The following SVIL variants were observed in gnomAD, a reference collection of about 807,000 sequenced individuals.
SVIL encodes supervillin.
SVIL carries 101 observed loss-of-function variants against 240.4 expected under a neutral mutation model. The ratio of observed to expected loss-of-function variants is 0.42; its 90% CI spans 0.36 to 0.50. The LOEUF (loss-of-function observed/expected upper bound fraction) is 0.50. Ranked by LOEUF, SVIL falls within the 20% of genes least tolerant of loss-of-function variation. SVIL has a pLI of 0.01. For synonymous variants in SVIL, 999 were observed against 1,100.0 expected (o/e 0.91, Z 1.82); for missense variants, 2,512 against 2,818.7 (o/e 0.89, Z 2.46).
chr10:29,697,084 C>G (rs1383578956), intron 1 of SVIL, among the ~76,000 whole-genome samples: 4 of 129,866 alleles, frequency 3.1e-5, no homozygotes, highest in South Asian at 2.6e-4. Context: ...CCCGGCCACC[C>G]CTACTGGGAA....
rs112459712 is a variant in SVIL, at chr10:29,648,815, G to GAAA, written c.-201+9151_-201+9153dup. On this transcript the variant is annotated intron_variant, in intron 3 of 35. Coordinates refer to the SVIL transcript ENST00000375400. ...TAAACCTAGGACACAGGACAGCTGG[G>GAAA]AAAAAAAAAAAAAGATTCTAAAAGC... is the stretch of plus-strand genomic sequence containing the variant. Among the ~76,000 whole-genome samples the GAAA allele has an allele frequency of 4.6e-3, 661 of 143,512 alleles. 6 individuals are homozygous for GAAA. Among genetic ancestry groups the GAAA allele is most frequent in the African/African-American group, 0.015 (601 of 39,268 alleles). The allele number at this position is 143,512 out of a possible 152,430, so 94.1% of individuals were successfully genotyped here.
At chr10:29,630,743 G>C (rs1026001863) in intron 1 of SVIL, among the ~76,000 whole-genome samples, 1 of 151,644 alleles carries the variant, frequency 6.6e-6, no homozygotes, top group Non-Finnish European at 1.5e-5. Flanking sequence ...CATTGTCATA[G>C]ATGAAGGAAA....
chr10:29,627,536 G>A (rs1957922225), intron 1 of SVIL, among the ~76,000 whole-genome samples: 1 of 151,944 alleles, frequency 6.6e-6, no homozygotes, highest in Admixed American at 6.6e-5. Flanking sequence ...CTTTTGGGGA[G>A]GTAGGTGAAT....
chr10:29,568,731 T>C (rs545036306), intron 2 of SVIL, among the ~76,000 whole-genome samples: 1 of 151,902 alleles, frequency 6.6e-6, no homozygotes, highest in African/African-American at 2.4e-5. Context: ...TCAGAAAGGT[T>C]AAGAGAGAGA....
chr10:29,690,234 G>A (rs1961398238), intron 1 of SVIL, among the ~76,000 whole-genome samples: 1 of 152,130 alleles, frequency 6.6e-6, no homozygotes, highest in Admixed American at 6.5e-5. Context: ...CATTCTAAGA[G>A]CTAGCCATAG....
At chr10:29,712,606 T>A (rs1452574026) in intron 1 of SVIL, among the ~76,000 whole-genome samples, 3 of 152,188 alleles carry the variant, frequency 2.0e-5, no homozygotes, top group Non-Finnish European at 4.4e-5. Flanking sequence ...CCTCAGGTAT[T>A]CCTTTATAGC....
At chr10:29,519,019 C>T (rs901754077) in intron 16 of SVIL, among the ~76,000 whole-genome samples, 3 of 152,128 alleles carry the variant, frequency 2.0e-5, no homozygotes, top group African/African-American at 7.2e-5. Flanking sequence ...ACCTGCCCTC[C>T]TTAGTGGGGA....
At chr10:29,679,127 C>T (rs535342057) in intron 2 of SVIL, among the ~76,000 whole-genome samples, 2 of 152,298 alleles carry the variant, frequency 1.3e-5, no homozygotes, top group Admixed American at 1.3e-4. Context: ...ATCACTTGAA[C>T]CTGAAAGGCA....
At chr10:29,624,071 C>G (rs1458046464) in intron 1 of SVIL, among the ~76,000 whole-genome samples, 1 of 151,866 alleles carries the variant, frequency 6.6e-6, no homozygotes, top group Non-Finnish European at 1.5e-5. Flanking sequence ...TGTGACTTTT[C>G]CTCACATGCA....
intron 17 of SVIL, among the ~76,000 whole-genome samples, chr10:29,507,338 A>G (rs867553926): frequency 2.0e-4 from 31 of 152,176 alleles, no homozygotes; most frequent in African/African-American, 6.5e-4. Flanking sequence ...CGAAGCTCAG[A>G]GGCTGAAAGG....
intron 1 of SVIL, among the ~76,000 whole-genome samples, chr10:29,625,877 C>A (rs375637875): frequency 6.6e-6 from 1 of 152,178 alleles, no homozygotes; most frequent in Non-Finnish European, 1.5e-5. Flanking sequence ...TTACAAGTGT[C>A]TCCTTTGGTT....
chr10:29,640,235 C>G (rs929395715), intron 3 of SVIL, among the ~76,000 whole-genome samples: 2 of 152,210 alleles, frequency 1.3e-5, no homozygotes, highest in Admixed American at 6.5e-5. Context: ...ACAACACACT[C>G]TCCTGAGGCT....
chr10:29,727,600 T>C (rs1170464658), intron 1 of SVIL, among the ~76,000 whole-genome samples: 1 of 152,044 alleles, frequency 6.6e-6, no homozygotes, highest in Non-Finnish European at 1.5e-5. Context: ...CTGGGATAAG[T>C]AACACTGCTA....
Position 29,629,021 on chromosome 10 carries a change from G to A in SVIL, c.-201+5399C>T, listed in dbSNP as rs141809839. ...TGCGGGGACATCAAAGTAACCAGGA[G>A]GTCTTGAAAGGTGTCCAAGAGGAGA... On this transcript the variant is annotated intron_variant, in intron 1 of 37. Coordinates refer to ENST00000355867, the MANE Select transcript of SVIL (RefSeq NM_021738.3). Among the ~76,000 whole-genome samples, 36 of 152,140 alleles carry A rather than the reference G, an allele frequency of 2.4e-4. No homozygotes were observed. The East Asian group carries it at 6.4e-3, about 27-fold the overall frequency.
chr10:29,682,944 T>C (rs982465383), intron 2 of SVIL, among the ~76,000 whole-genome samples: 1 of 152,146 alleles, frequency 6.6e-6, no homozygotes, highest in Admixed American at 6.5e-5. Flanking sequence ...CAGGTGTTGA[T>C]AAAAAGAGTC....
intron 17 of SVIL, chr10:29,508,455 G>T: frequency 8.1e-7 from 1 of 1,228,314 alleles, no homozygotes. Context: ...TCAGGGCATC[G>T]CAATCACCTT....
chr10:29,546,560 T>A (rs1281760134), intron 6 of SVIL, among the ~76,000 whole-genome samples: 1 of 127,276 alleles, frequency 7.9e-6, no homozygotes, highest in Non-Finnish European at 1.7e-5. Context: ...AAGACTGTTA[T>A]TTTGCCTATA....
chr10:29,506,733 G>A (rs1318001199), intron 17 of SVIL, among the ~76,000 whole-genome samples: 3 of 145,956 alleles, frequency 2.1e-5, no homozygotes, highest in South Asian at 2.2e-4. Context: ...CTACGAAGGA[G>A]GGGACAGAGG....
intron 1 of SVIL, among the ~76,000 whole-genome samples, chr10:29,596,687 G>A (rs954906649): frequency 6.6e-6 from 1 of 152,166 alleles, no homozygotes; most frequent in African/African-American, 2.4e-5. Flanking sequence ...CTCATGTATG[G>A]AAACCAAGTT....
Sources: gnomAD v4.1 joint callset for allele counts (sites outside exome capture counted in the v4.1 genomes callset) on GRCh38, gnomAD v4.1.1 for gene constraint, MANE v1.5 for transcripts, NCBI Gene and HGNC (gene_info 2026-07-23, HGNC 2026-07-21) for gene names.